Variants in USP47 observed in about 807,000 individuals in gnomAD.
USP47 encodes ubiquitin specific peptidase 47, also known as ubiquitin carboxyl-terminal hydrolase 47.
A neutral mutation model predicts 165.1 loss-of-function variants in USP47; 35 were observed. That is an observed-to-expected ratio of 0.21 (90% confidence interval 0.16 to 0.28). USP47 has a LOEUF of 0.28. USP47 is among the 10% of genes least tolerant of loss of function. The pLI, the probability that USP47 is intolerant of heterozygous loss-of-function variation, is 1.00. For synonymous variants in USP47, 531 were observed against 544.5 expected (o/e 0.98, Z 0.35); for missense variants, 1,277 against 1,607.4 (o/e 0.79, Z 3.52).
intron 22 of USP47, among the ~76,000 whole-genome samples, chr11:11,949,678 C>T (rs1856088244): frequency 6.6e-6 from 1 of 152,114 alleles, no homozygotes; most frequent in African/African-American, 2.4e-5. Context: ...TCCCAGTTTA[C>T]AGAACTGAGA....
At chr11:11,877,151 A>C (rs755807171) in intron 1 of USP47, among the ~76,000 whole-genome samples, 63 of 72,158 alleles carry the variant, frequency 8.7e-4, no homozygotes, top group Non-Finnish European at 1.5e-3. Flanking sequence ...GCTATTTAAG[A>C]AAAAAAAAAA....
intron 8 of USP47, among the ~76,000 whole-genome samples, chr11:11,910,428 A>G (rs1010338028): frequency 3.9e-5 from 6 of 152,140 alleles, no homozygotes; most frequent in African/African-American, 4.8e-5. Flanking sequence ...CTTTTAGACC[A>G]TAACTGCTGT....
chr11:11,921,863 T>G (rs1477913113), intron 10 of USP47, among the ~76,000 whole-genome samples: 2 of 151,918 alleles, frequency 1.3e-5, no homozygotes, highest in South Asian at 2.1e-4. Flanking sequence ...GATCTATAGC[T>G]GGATTTCATC....
intron 1 of USP47, among the ~76,000 whole-genome samples, chr11:11,854,389 T>G (rs1266456477): frequency 6.8e-6 from 1 of 147,214 alleles, no homozygotes; most frequent in Non-Finnish European, 1.5e-5. Context: ...GACAAATTCC[T>G]TAACCTGTCA....
At chr11:11,874,444 A>G (rs573250368) in intron 1 of USP47, among the ~76,000 whole-genome samples, 1 of 152,254 alleles carries the variant, frequency 6.6e-6, no homozygotes, top group South Asian at 2.1e-4. Flanking sequence ...TTGAGGTGGG[A>G]TGAAGGGAGT....
Position 11,902,834 on chromosome 11 carries a change from G to A in USP47, c.713G>A (p.Arg238Lys). 1 of 1,598,044 alleles carries A rather than the reference G, an allele frequency of 6.3e-7. No individual in the cohort carries two copies. The highest frequency in any genetic ancestry group is 8.5e-7 in the Non-Finnish European group (1 of 1,172,210). ...KRAIETTDVTRSFGWDSSEAW... is the reference protein window; with the variant it reads ...KRAIETTDVTKSFGWDSSEAW... ...GCAATTGAAACCACAGATGTTACAA[G>A]GAGCTTTGGATGGGATAGTAGTGAG... Residue 238 changes from arginine to lysine, a missense_variant, in exon 6 of 28, where the codon AGG becomes AAG. By Grantham distance (26) the Arg-to-Lys change is conservative. Around this residue, in one of 4 missense-constraint regions of USP47, gnomAD observed 175 missense variants for 295.8 expected, o/e 0.59. Coordinates refer to ENST00000527733, the MANE Select transcript of USP47 (RefSeq NM_001282659.2).
chr11:11,899,876 A>G (rs538000556), intron 5 of USP47, among the ~76,000 whole-genome samples: 2 of 152,274 alleles, frequency 1.3e-5, no homozygotes, highest in South Asian at 4.1e-4. Context: ...TTAATGTAGA[A>G]CTAAGAACCT....
intron 5 of USP47, among the ~76,000 whole-genome samples, chr11:11,898,368 T>C (rs993550333): frequency 1.2e-4 from 18 of 152,278 alleles, no homozygotes; most frequent in African/African-American, 3.6e-4. Context: ...GATTTTTTTT[T>C]CCTTTTTTGT....
chr11:11,955,404 G>A (rs913473928), intron 27 of USP47, among the ~76,000 whole-genome samples: 13 of 152,142 alleles, frequency 8.5e-5, no homozygotes, highest in Non-Finnish European at 1.2e-4. Flanking sequence ...TCCAAAATAT[G>A]ATCATTACAT....
chr11:11,853,758 G>T (rs1232146642), intron 1 of USP47, among the ~76,000 whole-genome samples: 1 of 152,132 alleles, frequency 6.6e-6, no homozygotes, highest in Non-Finnish European at 1.5e-5. Flanking sequence ...CTGCTGTTGA[G>T]AGATTACAGT....
At chr11:11,872,658 T>TGAGAGCAGGGTGAACAGTGTTGG (rs1850142924) in intron 1 of USP47, among the ~76,000 whole-genome samples, 1 of 152,276 alleles carries the variant, frequency 6.6e-6, no homozygotes, top group East Asian at 1.9e-4. Context: ...ATCACCTCCT[T>TGAGAGCAGGGTGAACAGTGTTGG]GAGAGCAGGG....
At chr11:11,864,853 C>A (rs1393574248) in intron 1 of USP47, among the ~76,000 whole-genome samples, 2 of 152,008 alleles carry the variant, frequency 1.3e-5, no homozygotes, top group Non-Finnish European at 2.9e-5. Flanking sequence ...GGCATCAAAT[C>A]TTTTCATTTT....
intron 11 of USP47, among the ~76,000 whole-genome samples, chr11:11,926,807 T>C (rs1854283587): frequency 6.6e-6 from 1 of 151,462 alleles, no homozygotes; most frequent in Non-Finnish European, 1.5e-5. Context: ...TGATTTGAGA[T>C]GTCTTCTTTT....
At chr11:11,923,196 T>C (rs1394405756) in intron 11 of USP47, among the ~76,000 whole-genome samples, 1 of 151,244 alleles carries the variant, frequency 6.6e-6, no homozygotes, top group Non-Finnish European at 1.5e-5. Context: ...CGATGCCTAG[T>C]AGTCAAGAAA....
intron 1 of USP47, among the ~76,000 whole-genome samples, chr11:11,875,071 G>T (rs962925857): frequency 3.2e-5 from 3 of 94,512 alleles, no homozygotes; most frequent in Non-Finnish European, 7.8e-5. Flanking sequence ...GTGTGTGTGT[G>T]TGTGTGTGTG....
intron 3 of USP47, among the ~76,000 whole-genome samples, chr11:11,891,127 C>T (rs1217716055): frequency 2.0e-5 from 3 of 151,916 alleles, no homozygotes; most frequent in Non-Finnish European, 4.4e-5. Context: ...CCACATCCTG[C>T]GCAGATACAC....
intron 8 of USP47, among the ~76,000 whole-genome samples, chr11:11,906,681 T>C (rs1327872559): frequency 6.6e-6 from 1 of 152,180 alleles, no homozygotes; most frequent in Non-Finnish European, 1.5e-5. Context: ...GTTTTTTAGA[T>C]GTTTAGTACT....
intron 8 of USP47, among the ~76,000 whole-genome samples, chr11:11,917,862 AAATTG>A (rs1466571048): frequency 6.6e-6 from 1 of 152,194 alleles, no homozygotes; most frequent in Non-Finnish European, 1.5e-5. Flanking sequence ...GAGTGGGCTT[AAATTG>A]CCTATTAAAA....
chr11:11,884,096 T>C (rs1477652212), intron 2 of USP47, among the ~76,000 whole-genome samples: 3 of 152,228 alleles, frequency 2.0e-5, no homozygotes, highest in Non-Finnish European at 4.4e-5. Context: ...AAATTATCTT[T>C]GGTCAATTTT....
Sources: allele counts gnomAD v4.1 joint callset (sites outside exome capture counted in the v4.1 genomes callset), GRCh38; gene constraint gnomAD v4.1.1; regional missense constraint gnomAD v4.1.1; transcripts MANE v1.5; gene names NCBI Gene and HGNC (gene_info 2026-07-23, HGNC 2026-07-21).